Variants in CNTN5 observed in about 807,000 individuals in gnomAD.
CNTN5 encodes contactin-5.
In CNTN5, 77 loss-of-function variants were observed where a neutral mutation model predicts 129.1. The ratio of observed to expected loss-of-function variants is 0.60; its 90% confidence interval spans 0.50 to 0.72. The LOEUF (loss-of-function observed/expected upper bound fraction) is 0.72. Among genes scored for constraint, CNTN5 ranks in the 30% least tolerant of loss-of-function variants. The pLI, the probability that CNTN5 is intolerant of heterozygous loss-of-function variation, is 0.00. For synonymous variants in CNTN5, 509 were observed against 465.6 expected, an observed-to-expected ratio of 1.09 and a Z score of -1.20; for missense variants, 1,478 against 1,328.8, an observed-to-expected ratio of 1.11 and a Z score of -1.75.
intron 7 of CNTN5, among the ~76,000 whole-genome samples, chr11:99,928,740 A>G (rs184182388): frequency 6.6e-6 from 1 of 152,144 alleles, no homozygotes; most frequent in African/African-American, 2.4e-5. Context: ...GACTTCTCAC[A>G]CGCTCTGGAG....
intron 3 of CNTN5, among the ~76,000 whole-genome samples, chr11:99,688,561 T>A (rs1007783178): frequency 1.3e-5 from 2 of 151,238 alleles, no homozygotes; most frequent in African/African-American, 4.9e-5. Flanking sequence ...GGTAGAAAGA[T>A]GGAAATTTTT....
At chr11:99,382,845 CTTTTTTTTTTTT>C (rs1163660333) in intron 2 of CNTN5, among the ~76,000 whole-genome samples, 9 of 77,046 alleles carry the variant, frequency 1.2e-4, no homozygotes, top group Non-Finnish European at 1.5e-4. Context: ...CTCTAAATAA[CTTTTTTTTTTTT>C]TTTTTTTTTT....
intron 1 of CNTN5, among the ~76,000 whole-genome samples, chr11:99,268,641 A>C (rs1391564416): frequency 6.6e-6 from 1 of 151,990 alleles, no homozygotes; most frequent in Admixed American, 6.6e-5. Flanking sequence ...AGTATACATA[A>C]TCAGTGAGGA....
intron 2 of CNTN5, among the ~76,000 whole-genome samples, chr11:99,462,360 CTTTTTTTTT>C: frequency 8.0e-6 from 1 of 125,284 alleles, no homozygotes; most frequent in Non-Finnish European, 1.7e-5. Flanking sequence ...CTTTTCTTTT[CTTTTTTTTT>C]TTTTTTTACA....
At chr11:99,153,815 CTTTTT>C (rs60782977) in intron 1 of CNTN5, among the ~76,000 whole-genome samples, 3 of 103,338 alleles carry the variant, frequency 2.9e-5, no homozygotes, top group Non-Finnish European at 1.8e-5. Flanking sequence ...CTTTGAATGG[CTTTTT>C]TTTTTTTTTT....
intron 15 of CNTN5, among the ~76,000 whole-genome samples, chr11:100,206,820 C>A (rs972741840): frequency 6.6e-6 from 1 of 151,930 alleles, no homozygotes; most frequent in African/African-American, 2.4e-5. Context: ...TTTTGCCAAC[C>A]ACTGCCAGCA....
intron 1 of CNTN5, among the ~76,000 whole-genome samples, chr11:99,301,441 T>C (rs1864630811): frequency 6.6e-6 from 1 of 151,756 alleles, no homozygotes; most frequent in Non-Finnish European, 1.5e-5. Flanking sequence ...CTGGAATGGC[T>C]ATACGAAGAT....
At chr11:100,221,323 G>A (rs376463212) in intron 15 of CNTN5, among the ~76,000 whole-genome samples, 7 of 152,260 alleles carry the variant, frequency 4.6e-5, no homozygotes, top group Middle Eastern at 3.4e-3. Context: ...AAAGAGCTAC[G>A]TCAAAATAAG....
chr11:99,280,640 AG>A (rs900262361), intron 1 of CNTN5, among the ~76,000 whole-genome samples: 33 of 151,868 alleles, frequency 2.2e-4, no homozygotes, highest in African/African-American at 8.0e-4. Context: ...GATGGCTTTG[AG>A]GATCTCTGTT....
chr11:100,103,057 T>C lies in CNTN5; in HGVS notation c.1580+28763T>C, dbSNP rs140197254. Among the ~76,000 whole-genome samples, 81 of 152,346 alleles carry C rather than the reference T, an allele frequency of 5.3e-4. No individual in the cohort carries two copies. In the East Asian group the frequency reaches 0.015, roughly 27 times the overall value. Reference sequence around the variant, plus strand: ...CACTTGGACTTCTAGCTCTAACTTCTGATTAAATGAATTAGAACATAAAGT... The same window carrying C: ...CACTTGGACTTCTAGCTCTAACTTCCGATTAAATGAATTAGAACATAAAGT... On this transcript the variant is annotated intron_variant, in intron 13 of 24. Coordinates refer to ENST00000524871, the MANE Select transcript of CNTN5 (RefSeq NM_014361.4).
chr11:100,348,634 C>A (rs1952337930), intron 23 of CNTN5, among the ~76,000 whole-genome samples: 2 of 151,972 alleles, frequency 1.3e-5, no homozygotes, highest in African/African-American at 4.8e-5. Context: ...TTTCCCATTC[C>A]CATAAATTTG....
intron 2 of CNTN5, among the ~76,000 whole-genome samples, chr11:99,424,082 A>T (rs566341180): frequency 2.3e-4 from 35 of 152,320 alleles, no homozygotes; most frequent in Middle Eastern, 6.8e-3. Flanking sequence ...ACATACATAC[A>T]TACATATGAT....
chr11:99,962,001 C>T (rs563804330), intron 8 of CNTN5, among the ~76,000 whole-genome samples: 2 of 152,166 alleles, frequency 1.3e-5, no homozygotes, highest in South Asian at 4.2e-4. Flanking sequence ...TATACATATA[C>T]ACACACACAT....
chr11:99,243,903 C>T (rs535789476), intron 1 of CNTN5, among the ~76,000 whole-genome samples: 31 of 151,904 alleles, frequency 2.0e-4, no homozygotes, highest in Admixed American at 1.8e-3. Context: ...CAATGTGATG[C>T]CTCCAGCTGT....
intron 6 of CNTN5, among the ~76,000 whole-genome samples, chr11:99,883,597 T>TAAACA (rs997269195): frequency 4.5e-4 from 69 of 152,240 alleles, no homozygotes; most frequent in African/African-American, 1.3e-3. Context: ...GAGTCCCTAT[T>TAAACA]AAACAAAACA....
chr11:99,695,427 T>C lies in CNTN5; in HGVS notation c.56-124117T>C, dbSNP rs528998007. ...CACCAGGGTGTTGCCTGCAAAAGGC[T>C]AAAACTCAGAGACATGGGATACAAG... On this transcript the variant is annotated intron_variant, in intron 3 of 24. Transcript: ENST00000524871. 2.0e-5 allele frequency among the ~76,000 whole-genome samples: 3 copies of C among 152,268 alleles called. No individual in the cohort carries two copies. The South Asian group carries it at 6.2e-4, about 32-fold the overall frequency.
intron 2 of CNTN5, among the ~76,000 whole-genome samples, chr11:99,541,362 A>G (rs867582737): frequency 6.6e-5 from 10 of 152,148 alleles, no homozygotes; most frequent in Admixed American, 3.9e-4. Flanking sequence ...TTCTCTTAGC[A>G]GCTAGTATGG....
intron 8 of CNTN5, among the ~76,000 whole-genome samples, chr11:99,976,635 C>T (rs1248020418): frequency 6.6e-6 from 1 of 152,220 alleles, no homozygotes; most frequent in African/African-American, 2.4e-5. Flanking sequence ...TGAGCTGTAT[C>T]TTAGCCCGTT....
At chr11:99,236,583 C>T (rs1217433799) in intron 1 of CNTN5, among the ~76,000 whole-genome samples, 1 of 151,914 alleles carries the variant, frequency 6.6e-6, no homozygotes, top group African/African-American at 2.4e-5. Flanking sequence ...AAGTATCTTC[C>T]TCAATGCTTA....
Sources: allele counts gnomAD v4.1 joint callset (sites outside exome capture counted in the v4.1 genomes callset), GRCh38; gene constraint gnomAD v4.1.1; transcripts MANE v1.5; gene names NCBI Gene and HGNC (gene_info 2026-07-23, HGNC 2026-07-21).